NNT: variants seen among roughly 807,000 people sequenced by gnomAD.
NNT encodes the protein nicotinamide nucleotide transhydrogenase.
NNT carries 50 observed loss-of-function variants against 104.8 expected under a neutral mutation model. The ratio of observed to expected loss-of-function variants is 0.48; its 90% CI spans 0.38 to 0.60. The LOEUF is 0.60. Among genes scored for constraint, NNT ranks in the 20% least tolerant of loss-of-function variants. The pLI, the probability that NNT is intolerant of heterozygous loss-of-function variation, is 0.00. For missense variants in NNT, 1,131 were observed against 1,330.7 expected, an observed-to-expected ratio of 0.85 and a Z score of 2.33; for synonymous variants, 461 against 490.4, an observed-to-expected ratio of 0.94 and a Z score of 0.79.
intron 15 of NNT, among the ~76,000 whole-genome samples, 182 bp downstream of exon 15, chr5:43,656,255 CAT>C (rs554703969): frequency 6.6e-5 from 10 of 152,056 alleles, no homozygotes; most frequent in Non-Finnish European, 1.5e-4. Context: ...GCCTGGGCAA[CAT>C]AGCGAGACCC....
intron 19 of NNT, among the ~76,000 whole-genome samples, chr5:43,685,501 T>A (rs187857746): frequency 2.0e-5 from 3 of 152,202 alleles, no homozygotes; most frequent in Admixed American, 2.0e-4. Flanking sequence ...TTTAAAAAAA[T>A]CTGTTGATCC....
intron 4 of NNT, among the ~76,000 whole-genome samples, chr5:43,616,740 A>G (rs1011793208): frequency 2.0e-5 from 3 of 152,182 alleles, no homozygotes; most frequent in Non-Finnish European, 4.4e-5. Flanking sequence ...TTGAGTAATC[A>G]TGCCTGCCAT....
rs933299980 is a variant in NNT, at chr5:43,705,817, C to A, written c.*1413C>A. ...CGTTTGTGTGTTAAAGCAGAAAAGA[C>A]TTTTTTAAAAGTTTTAAGTGATAAA... On this transcript the variant is annotated 3_prime_UTR_variant, in exon 22 of 22. Coordinates refer to ENST00000344920, the MANE Select transcript of NNT (RefSeq NM_182977.3). 3 of 151,424 alleles carry A rather than the reference C, an allele frequency of 2.0e-5. No individual in the cohort carries two copies. The highest frequency in any genetic ancestry group is 7.3e-5 in the African/African-American group (3 of 41,204). 9.4% of individuals were successfully genotyped at this position (151,424 alleles called of 1,614,324 possible).
At chr5:43,610,035 C>A (rs1393923962) in intron 2 of NNT, among the ~76,000 whole-genome samples, 2 of 152,094 alleles carry the variant, frequency 1.3e-5, no homozygotes, top group Non-Finnish European at 2.9e-5. Flanking sequence ...CTCCTCAATT[C>A]AAAATTTGCC....
rs779088322 is a variant in NNT at position 43,659,249 on chromosome 5, G to A, written c.2533G>A (p.Ala845Thr). 1.9e-5 allele frequency: 31 copies of A among 1,613,916 alleles called. No individual in the cohort carries two copies. Among genetic ancestry groups the A allele is most frequent in the African/African-American group, 2.7e-5 (2 of 74,906 alleles). The change falls in exon 17 of 22, where the codon GCC (alanine) becomes ACC (threonine). Residue 845 changes from alanine to threonine, a missense_variant. Ala to Thr is a moderately conservative substitution (Grantham distance 58). Coordinates refer to ENST00000344920, the MANE Select transcript of NNT (RefSeq NM_182977.3). ...ITVLNSYSGWALCAEGFLLNN... is the reference protein window; with the variant it reads ...ITVLNSYSGWTLCAEGFLLNN... Reference sequence around the variant, plus strand: ...TGTGCTGAACAGCTACTCAGGCTGGGCCCTGTGTGCAGAGGGCTTCCTGCT... The same window carrying A: ...TGTGCTGAACAGCTACTCAGGCTGGACCCTGTGTGCAGAGGGCTTCCTGCT...
intron 7 of NNT, among the ~76,000 whole-genome samples, chr5:43,642,041 T>C (rs67892333): frequency 0.061 from 9,265 of 152,294 alleles, 389 homozygotes; most frequent in Non-Finnish European, 0.096. Flanking sequence ...TCCTTAGCTA[T>C]GGATGTCTCA....
chr5:43,624,207 A>G, intron 6 of NNT, 87 bp downstream of exon 6: 1 of 1,130,532 alleles, frequency 8.8e-7, no homozygotes, highest in Non-Finnish European at 1.4e-6. Flanking sequence ...TGTAAATTGA[A>G]GTAGCACATT....
intron 10 of NNT, 82 bp downstream of exon 10, chr5:43,645,592 T>A: frequency 1.3e-6 from 1 of 774,948 alleles, no homozygotes; most frequent in Non-Finnish European, 1.8e-6. Flanking sequence ...GATATATGTG[T>A]AGCTATATAT....
intron 18 of NNT, among the ~76,000 whole-genome samples, chr5:43,676,415 A>G (rs1741417614): frequency 2.0e-5 from 3 of 152,366 alleles, no homozygotes; most frequent in East Asian, 3.9e-4. Context: ...TATGTACTGA[A>G]GTAAAAATAG....
chr5:43,691,070 A>T lies in NNT; in HGVS notation c.2877-9049A>T, dbSNP rs112890579. Among the ~76,000 whole-genome samples, 709 of 137,502 alleles carry T rather than the reference A, an allele frequency of 5.2e-3. 5 individuals carry two copies. Among genetic ancestry groups the T allele is most frequent in the African/African-American group, 0.015 (563 of 36,506 alleles). 90.2% of individuals were successfully genotyped at this position (137,502 alleles called of 152,430 possible). A position where few individuals can be genotyped will look rare whatever the true frequency, so the allele number is the denominator to read the frequency against. ...AACTGATCCAGAATTTTTTTGAGAGAGTGTGTGTGTGTGTGTGTGTGTGTG... is the reference window on the plus strand; with the variant it reads ...AACTGATCCAGAATTTTTTTGAGAGTGTGTGTGTGTGTGTGTGTGTGTGTG... On this transcript the variant is annotated intron_variant, in intron 19 of 21. Transcript: ENST00000344920.
At chr5:43,702,792 A>G in intron 21 of NNT, 56 bp downstream of exon 21, 2 of 1,225,246 alleles carry the variant, frequency 1.6e-6, no homozygotes, top group Non-Finnish European at 1.2e-6. Context: ...TCAAATATAC[A>G]CACAGAACTT....
rs962608698 is a variant in NNT, at chr5:43,609,350, A to G, written c.151+4A>G. 8 of 1,613,426 alleles carry G rather than the reference A, an allele frequency of 5.0e-6. No individual in the cohort carries two copies. The Admixed American group carries it at 5.0e-5, about 10-fold the overall frequency. On this transcript the variant is annotated splice_donor_region_variant and intron_variant, in intron 2 of 21. Coordinates refer to ENST00000344920, the MANE Select transcript of NNT (RefSeq NM_182977.3). Reference sequence around the variant, plus strand: ...TGTAAAGCGCCTGTAAAACCAGGTAAAGTCTCACTTCAGTGATTGTAAATG... The same window carrying G: ...TGTAAAGCGCCTGTAAAACCAGGTAGAGTCTCACTTCAGTGATTGTAAATG...
chr5:43,678,454 G>A (rs571510406), intron 19 of NNT, among the ~76,000 whole-genome samples: 2 of 152,164 alleles, frequency 1.3e-5, no homozygotes, highest in Non-Finnish European at 2.9e-5. Flanking sequence ...AAATATTATC[G>A]ACTCATTTTA....
intron 17 of NNT, chr5:43,667,312 T>G (rs62367658): frequency 0.049 from 30,202 of 615,140 alleles, 1,257 homozygotes; most frequent in East Asian, 0.19. Context: ...AGGGTACATG[T>G]GCACAACGTG....
chr5:43,692,465 A>AG, intron 19 of NNT, among the ~76,000 whole-genome samples: 1 of 152,150 alleles, frequency 6.6e-6, no homozygotes, highest in Non-Finnish European at 1.5e-5. Flanking sequence ...CTGGGGTTAC[A>AG]GGCACCCACC....
chr5:43,632,421 G>A (rs7719138), intron 7 of NNT, among the ~76,000 whole-genome samples: 2,131 of 152,312 alleles, frequency 0.014, 52 homozygotes, highest in African/African-American at 0.044. Context: ...ACTTTACGGA[G>A]TTAGTAAATT....
At chr5:43,612,796 G>T in intron 2 of NNT, 112 bp from the exon 3 acceptor site, 1 of 685,268 alleles carries the variant, frequency 1.5e-6, no homozygotes, top group Non-Finnish European at 2.5e-6. Context: ...TGCATGTGTG[G>T]TATATTTTGA....
At chr5:43,659,392 C>T in intron 17 of NNT, 42 bp downstream of exon 17, 1 of 1,491,258 alleles carries the variant, frequency 6.7e-7, no homozygotes, top group East Asian at 2.4e-5. Context: ...AAATGGCTTC[C>T]TGAAAACATG....
intron 19 of NNT, among the ~76,000 whole-genome samples, chr5:43,683,321 G>A (rs921993757): frequency 1.3e-5 from 2 of 152,190 alleles, no homozygotes; most frequent in African/African-American, 4.8e-5. Flanking sequence ...CTAGAAAGTG[G>A]CCACCTTCAT....
Sources: allele counts gnomAD v4.1 joint callset (sites outside exome capture counted in the v4.1 genomes callset), GRCh38; gene constraint gnomAD v4.1.1; transcripts MANE v1.5; gene names NCBI Gene and HGNC (gene_info 2026-07-23, HGNC 2026-07-21).